The following PDGFD variants were observed in gnomAD, a reference collection of about 807,000 sequenced individuals.
PDGFD encodes the protein platelet derived growth factor D, also known as platelet-derived growth factor D.
Under a neutral mutation model 44.7 loss-of-function variants are expected in PDGFD, and 30 were observed. That is an observed-to-expected ratio of 0.67 (90% confidence interval 0.50 to 0.91). PDGFD has a LOEUF of 0.91. Ranked by LOEUF, PDGFD falls within the 40% of genes least tolerant of loss-of-function variation. PDGFD has a pLI of 0.00. For synonymous variants in PDGFD, 173 were observed against 168.4 expected, an observed-to-expected ratio of 1.03 and a Z score of -0.21; for missense variants, 445 against 457.8, an observed-to-expected ratio of 0.97 and a Z score of 0.25.
intron 3 of PDGFD, among the ~76,000 whole-genome samples, chr11:103,979,327 C>A (rs889605493): frequency 6.6e-6 from 1 of 152,036 alleles, no homozygotes; most frequent in African/African-American, 2.4e-5. Context: ...TTCCCCACTC[C>A]TTCCTTGGGT....
chr11:103,974,018 T>C (rs1015292009), intron 3 of PDGFD, among the ~76,000 whole-genome samples: 3 of 152,078 alleles, frequency 2.0e-5, no homozygotes, highest in Non-Finnish European at 4.4e-5. Flanking sequence ...GGAGCTGAAT[T>C]ACAATCCTGC....
intron 1 of PDGFD, among the ~76,000 whole-genome samples, chr11:104,052,956 A>G (rs1565321810): frequency 6.6e-6 from 1 of 152,142 alleles, no homozygotes; most frequent in Non-Finnish European, 1.5e-5. Context: ...TCACTGTCCG[A>G]GACACAGTAA....
intron 5 of PDGFD, among the ~76,000 whole-genome samples, chr11:103,929,733 T>G (rs778505296): frequency 3.3e-5 from 5 of 152,184 alleles, no homozygotes; most frequent in Non-Finnish European, 7.3e-5. Flanking sequence ...TGGATGCAAA[T>G]AACTTCAAAG....
chr11:104,115,399 TTAA>T (rs1861620996), intron 1 of PDGFD, among the ~76,000 whole-genome samples: 1 of 151,090 alleles, frequency 6.6e-6, no homozygotes, highest in African/African-American at 2.4e-5. Context: ...ATTAATATTA[TTAA>T]TAAGTAATAG....
chr11:104,103,741 C>G (rs1489014413), intron 1 of PDGFD, among the ~76,000 whole-genome samples: 1 of 151,856 alleles, frequency 6.6e-6, no homozygotes, highest in African/African-American at 2.4e-5. Flanking sequence ...CTGGTGTAAG[C>G]AAACTTACTC....
At chr11:103,934,867 T>C (rs936534848) in intron 5 of PDGFD, among the ~76,000 whole-genome samples, 3 of 152,134 alleles carry the variant, frequency 2.0e-5, no homozygotes, top group Non-Finnish European at 1.5e-5. Flanking sequence ...TGCATAACTA[T>C]ATTAGCAAGT....
intron 1 of PDGFD, among the ~76,000 whole-genome samples, chr11:104,132,473 G>A (rs1861938859): frequency 6.6e-6 from 1 of 151,598 alleles, no homozygotes. Flanking sequence ...AAACTTTTTT[G>A]CAACCTCTTT....
chr11:103,975,898 C>T (rs1351921955), intron 3 of PDGFD, among the ~76,000 whole-genome samples: 1 of 152,054 alleles, frequency 6.6e-6, no homozygotes. Flanking sequence ...GTTACTCTAG[C>T]CTTGTAGTAT....
chr11:103,930,362 C>A (rs7949519), intron 5 of PDGFD, among the ~76,000 whole-genome samples: 14,557 of 152,022 alleles, frequency 0.096, 1,994 homozygotes, highest in African/African-American at 0.29. Flanking sequence ...TGAATGCACA[C>A]CCTTTTATAG....
intron 6 of PDGFD, among the ~76,000 whole-genome samples, chr11:103,911,241 C>T (rs910433795): frequency 5.3e-5 from 8 of 152,166 alleles, no homozygotes; most frequent in African/African-American, 1.7e-4. Flanking sequence ...TGATAAGGGA[C>T]AGGCTGCCTC....
At chr11:103,996,280 T>C in intron 2 of PDGFD, 35 bp from the exon 3 acceptor site, 1 of 1,537,460 alleles carries the variant, frequency 6.5e-7, no homozygotes, top group East Asian at 2.3e-5. Flanking sequence ...CAAGTTTTGA[T>C]TAAAGTAGAT....
At chr11:104,103,874 G>A (rs1015166355) in intron 1 of PDGFD, among the ~76,000 whole-genome samples, 1 of 151,992 alleles carries the variant, frequency 6.6e-6, no homozygotes, top group Non-Finnish European at 1.5e-5. Flanking sequence ...ATTTTAGAGT[G>A]TATTCCTTCT....
At chr11:103,981,195 C>G (rs1859267106) in intron 3 of PDGFD, among the ~76,000 whole-genome samples, 1 of 151,586 alleles carries the variant, frequency 6.6e-6, no homozygotes, top group East Asian at 1.9e-4. Context: ...GTGCCTGTTA[C>G]AAAAAGTCAG....
intron 1 of PDGFD, among the ~76,000 whole-genome samples, chr11:104,068,006 T>A (rs538738451): frequency 3.3e-5 from 5 of 152,312 alleles, no homozygotes; most frequent in African/African-American, 1.2e-4. Context: ...TGAAAAGGAA[T>A]AGAGTGTTAT....
chr11:104,108,555 G>A (rs1390986603), intron 1 of PDGFD, among the ~76,000 whole-genome samples: 2 of 152,084 alleles, frequency 1.3e-5, no homozygotes, highest in Non-Finnish European at 1.5e-5. Context: ...GAAACAACAG[G>A]TGCTGGAGAG....
At chr11:104,088,397 T>C (rs1861164831) in intron 1 of PDGFD, among the ~76,000 whole-genome samples, 2 of 152,252 alleles carry the variant, frequency 1.3e-5, no homozygotes, top group Admixed American at 1.3e-4. Context: ...CACTTTTTTA[T>C]TGAGTGCTTA....
chr11:104,130,987 C>G (rs934622697), intron 1 of PDGFD, among the ~76,000 whole-genome samples: 1 of 152,148 alleles, frequency 6.6e-6, no homozygotes, highest in Non-Finnish European at 1.5e-5. Flanking sequence ...TCTGATTATA[C>G]ACTTAATTAT....
chr11:104,118,823 T>TAATATAC (rs1861685432), intron 1 of PDGFD, among the ~76,000 whole-genome samples: 1 of 42,040 alleles, frequency 2.4e-5, no homozygotes, highest in Non-Finnish European at 4.8e-5. Flanking sequence ...TATTATATAT[T>TAATATAC]ATAAATATTA....
intron 1 of PDGFD, among the ~76,000 whole-genome samples, chr11:104,090,997 C>A (rs1861205241): frequency 1.3e-5 from 2 of 152,230 alleles, no homozygotes; most frequent in South Asian, 4.1e-4. Context: ...CCCCCCCATG[C>A]AAACTACCGA....
Sources: allele counts gnomAD v4.1 joint callset (sites outside exome capture counted in the v4.1 genomes callset), GRCh38; gene constraint gnomAD v4.1.1; transcripts MANE v1.5; gene names NCBI Gene and HGNC (gene_info 2026-07-23, HGNC 2026-07-21).